The following BTBD17 variants were observed in gnomAD, a reference collection of about 807,000 sequenced individuals.
BTBD17 encodes the protein BTB/POZ domain-containing protein 17.
In BTBD17, 26 loss-of-function variants were observed where a neutral mutation model predicts 36.9. That is an observed-to-expected ratio of 0.70 (90% CI 0.52 to 0.98). The LOEUF (loss-of-function observed/expected upper bound fraction) is 0.98. BTBD17 is among the 50% of genes least tolerant of loss of function. The probability of loss-of-function intolerance (pLI) is 0.00; values close to 1 mark genes in which losing one functional copy is unlikely to be tolerated. For missense variants in BTBD17, 630 were observed against 691.3 expected, an observed-to-expected ratio of 0.91 and a Z score of 0.99; for synonymous variants, 341 against 338.0, an observed-to-expected ratio of 1.01 and a Z score of -0.10.
chr17:74,358,102 T>C (rs953688462), intron 2 of BTBD17, among the ~76,000 whole-genome samples: 1 of 152,074 alleles, frequency 6.6e-6, no homozygotes, highest in African/African-American at 2.4e-5. Context: ...GTCACTTAAC[T>C]TCAGTGAACC....
rs1234306044 is a variant in BTBD17, at chr17:74,356,759, G to A, written c.1335C>T (p.Ala445=). The change falls in exon 3 of 3, where the codon GCC becomes GCT. Residue 445 remains alanine (A), a synonymous_variant. Coordinates refer to ENST00000375366, the MANE Select transcript of BTBD17 (RefSeq NM_001080466.2). This position sits in a 1 kb window ranked among gnomAD's most constrained non-coding sequence, Gnocchi z 4.3. ...SEEAGDFLAH[A]DLQRRNSEYL... ...ACTCGGAGTTGCGCCGCTGCAGGTC[G>A]GCGTGCGCCAGGAAGTCGCCGGCCT... The A allele has an allele frequency of 6.2e-6, 10 of 1,602,058 alleles. No homozygotes were observed. The highest frequency in any genetic ancestry group is 1.3e-5 in the African/African-American group (1 of 74,130).
rs755387392 is a variant in BTBD17, at chr17:74,360,043, C to G, written c.288G>C (p.Glu96Asp). ...LLGLHSELFL[E>D]LLSNQSEAVL... Reference sequence around the variant, plus strand: ...CCGCCTCGCTCTGGTTACTTAGCAGCTCCAGGAACAGCTCACTGTGCAGTC... The same window carrying G: ...CCGCCTCGCTCTGGTTACTTAGCAGGTCCAGGAACAGCTCACTGTGCAGTC... Residue 96 changes from glutamate to aspartate, a missense_variant, in exon 2 of 3, where the codon GAG (glutamate) becomes GAC (aspartate). By Grantham distance (45) the Glu-to-Asp change is conservative. Coordinates refer to ENST00000375366, the MANE Select transcript of BTBD17 (RefSeq NM_001080466.2). The G allele has an allele frequency of 2.4e-5, 39 of 1,613,066 alleles. No individual in the cohort carries two copies. The South Asian group carries it at 4.1e-4, about 17-fold the overall frequency.
At chr17:74,362,526 C>T (rs1269281958), upstream of BTBD17, among the ~76,000 whole-genome samples, 1 of 152,198 alleles carries the variant, frequency 6.6e-6, no homozygotes, top group African/African-American at 2.4e-5. Context: ...GTCGCCTCCC[C>T]CAGGGGCAAG....
intron 1 of BTBD17, among the ~76,000 whole-genome samples, 169 bp from the exon 2 acceptor site, chr17:74,360,414 A>T (rs1319191474): frequency 1.3e-5 from 2 of 152,178 alleles, no homozygotes; most frequent in African/African-American, 4.8e-5. Context: ...AGGCGCGTGG[A>T]TGCATCGGTG....
At chr17:74,361,610 G>A in intron 1 of BTBD17, 125 bp downstream of exon 1, 1 of 715,392 alleles carries the variant, frequency 1.4e-6, no homozygotes. Context: ...CCGTGGAGCT[G>A]TCCGGTCCAC....
At chr17:74,361,649 G>T (rs1413707688) in intron 1 of BTBD17, 86 bp downstream of exon 1, 5 of 1,091,214 alleles carry the variant, frequency 4.6e-6, no homozygotes, top group Non-Finnish European at 6.7e-6. Flanking sequence ...GCTGGACACC[G>T]CCCCCTCCTG....
Position 74,356,788 on chromosome 17 carries a change from C to G in BTBD17, c.1306G>C (p.Glu436Gln), listed in dbSNP as rs753021841. 1 of 1,602,324 alleles carries G rather than the reference C, an allele frequency of 6.2e-7. No homozygotes were observed. The highest frequency in any genetic ancestry group is 8.5e-7 in the Non-Finnish European group (1 of 1,175,742). The change falls in exon 3 of 3, where the codon GAG becomes CAG. Residue 436 changes from glutamate to glutamine, a missense_variant. Glu to Gln is a conservative substitution (Grantham distance 29, BLOSUM62 2). Coordinates refer to ENST00000375366, the MANE Select transcript of BTBD17 (RefSeq NM_001080466.2). This position sits in a 1 kb window ranked among gnomAD's most constrained non-coding sequence, Gnocchi z 4.3. Reference sequence around the variant, plus strand: ...TGCGCCAGGAAGTCGCCGGCCTCCTCGCTGCTCTGGTGGAAGCTGTAGGCG... The same window carrying G: ...TGCGCCAGGAAGTCGCCGGCCTCCTGGCTGCTCTGGTGGAAGCTGTAGGCG... ...RHAYSFHQSSEEAGDFLAHAD... is the reference protein window; with the variant it reads ...RHAYSFHQSSQEAGDFLAHAD...
At chr17:74,362,283 AGCCGGCT>A, upstream of BTBD17, among the ~76,000 whole-genome samples, 1 of 151,910 alleles carries the variant, frequency 6.6e-6, no homozygotes, top group Admixed American at 6.5e-5. Context: ...CACCATGGTG[AGCCGGCT>A]GCAAAGGAAG....
chr17:74,359,043 C>T (rs550796718), intron 2 of BTBD17, among the ~76,000 whole-genome samples: 3 of 152,260 alleles, frequency 2.0e-5, no homozygotes, highest in Non-Finnish European at 2.9e-5. Flanking sequence ...GCAGGCATCT[C>T]GTCTGAGCCG....
At chr17:74,358,475 C>CTTTTT (rs1204577844) in intron 2 of BTBD17, among the ~76,000 whole-genome samples, 7 of 60,118 alleles carry the variant, frequency 1.2e-4, no homozygotes, top group Admixed American at 2.3e-4. Context: ...GACACTCCAG[C>CTTTTT]TTTTTTTTTT....
At position 74,357,520 on chromosome 17, in the gene BTBD17, G is replaced by T; in HGVS notation, c.574C>A (p.Leu192Met). 6.4e-7 allele frequency: 1 copy of T among 1,562,684 alleles called. No homozygotes were observed. Among genetic ancestry groups the T allele is most frequent in the Non-Finnish European group, 8.6e-7 (1 of 1,161,544 alleles). ...GCCACGGCCGACAGGTTCCAGGCCAGGAACTGCAGGCAGCTCTCGCGCAGG... is the reference window on the plus strand; with the variant it reads ...GCCACGGCCGACAGGTTCCAGGCCATGAACTGCAGGCAGCTCTCGCGCAGG... ...EALRESCLQF[L>M]AWNLSAVAAS... The change falls in exon 3 of 3, where the codon CTG (leucine) becomes ATG (methionine). Residue 192 changes from leucine to methionine, a missense_variant. Leu to Met is a conservative substitution (Grantham distance 15, BLOSUM62 2). Coordinates refer to ENST00000375366, the MANE Select transcript of BTBD17 (RefSeq NM_001080466.2). The surrounding 1 kb of genome is among the most constrained non-coding windows in gnomAD (Gnocchi z 8.4).
chr17:74,362,960 G>GCA (rs1426527832), upstream of BTBD17, among the ~76,000 whole-genome samples: 1 of 108,876 alleles, frequency 9.2e-6, no homozygotes, highest in African/African-American at 3.2e-5. Flanking sequence ...GCAAAAGCGC[G>GCA]CGCGCATGTG....
chr17:74,358,114 T>TA (rs1213568834), intron 2 of BTBD17, among the ~76,000 whole-genome samples: 4 of 152,032 alleles, frequency 2.6e-5, no homozygotes, highest in Non-Finnish European at 5.9e-5. Flanking sequence ...CAGTGAACCT[T>TA]AGGCTAATCA....
rs777042355 is a variant in BTBD17, at chr17:74,361,854, G to T, written c.-35C>A. ...CAGCCCCCAAGTCCACTGGAGGGACGGTGAAGCCCAGACCACTCTGCTCAC... is the reference window on the plus strand; with the variant it reads ...CAGCCCCCAAGTCCACTGGAGGGACTGTGAAGCCCAGACCACTCTGCTCAC... On this transcript the variant is annotated 5_prime_UTR_variant, in exon 1 of 3. Coordinates refer to ENST00000375366, the MANE Select transcript of BTBD17 (RefSeq NM_001080466.2). The T allele has an allele frequency of 1.9e-6, 3 of 1,568,012 alleles. No homozygotes were observed. The highest frequency in any genetic ancestry group is 1.8e-6 in the Non-Finnish European group (2 of 1,139,864).
At chr17:74,358,948 C>T (rs1297718381) in intron 2 of BTBD17, among the ~76,000 whole-genome samples, 1 of 152,248 alleles carries the variant, frequency 6.6e-6, no homozygotes, top group African/African-American at 2.4e-5. Flanking sequence ...GCAACTGATT[C>T]CGGGTTAACA....
At chr17:74,362,963 CGCAT>C (rs2054949605), upstream of BTBD17, among the ~76,000 whole-genome samples, 1 of 48,180 alleles carries the variant, frequency 2.1e-5, no homozygotes, top group Non-Finnish European at 7.4e-5. Flanking sequence ...AAAGCGCGCG[CGCAT>C]GTGTGTGTGT....
Position 74,357,556 on chromosome 17 carries a change from C to G in BTBD17, c.538G>C (p.Gly180Arg), listed in dbSNP as rs1383580172. The change falls in exon 3 of 3, where the codon GGG becomes CGG. Residue 180 changes from glycine (G) to arginine (R), a missense_variant. Coordinates refer to ENST00000375366, the MANE Select transcript of BTBD17 (RefSeq NM_001080466.2). This position sits in a 1 kb window ranked among gnomAD's most constrained non-coding sequence, Gnocchi z 8.4. ...CAGCTCTCGCGCAGGGCCTCGTCCC[C>G]GGTGCCCACCGCGTAGTGGTACCAG... ...VGWYHYAVGT[G>R]DEALRESCLQ... 4 of 1,553,698 alleles carry G rather than the reference C, an allele frequency of 2.6e-6. No homozygotes were observed. Among genetic ancestry groups the G allele is most frequent in the Non-Finnish European group, 3.5e-6 (4 of 1,156,828 alleles).
intron 1 of BTBD17, among the ~76,000 whole-genome samples, chr17:74,360,520 G>A (rs1242023145): frequency 6.6e-6 from 1 of 152,234 alleles, no homozygotes; most frequent in African/African-American, 2.4e-5. Flanking sequence ...GGGAGGTTGT[G>A]CTCAGGTTTA....
upstream of BTBD17, among the ~76,000 whole-genome samples, chr17:74,362,104 C>G (rs928863001): frequency 1.3e-5 from 2 of 152,230 alleles, no homozygotes; most frequent in African/African-American, 2.4e-5. Context: ...CTCCTTACCA[C>G]CCAGCAGGGC....
Sources: gnomAD v4.1 joint callset for allele counts (sites outside exome capture counted in the v4.1 genomes callset) on GRCh38, gnomAD v4.1.1 for gene constraint, Gnocchi (gnomAD v3.1) non-coding constraint, MANE v1.5 for transcripts, NCBI Gene and HGNC (gene_info 2026-07-23, HGNC 2026-07-21) for gene names.